The following PPP1R7 variants were observed in gnomAD, a reference collection of about 807,000 sequenced individuals.
PPP1R7 encodes the protein protein phosphatase 1 regulatory subunit 22.
Under a neutral mutation model 45.2 loss-of-function variants are expected in PPP1R7, and 18 were observed. The ratio of observed to expected loss-of-function variants is 0.40; its 90% CI spans 0.28 to 0.59. The LOEUF is 0.59. Among genes scored for constraint, PPP1R7 ranks in the 20% least tolerant of loss-of-function variants. The pLI is 0.46. For synonymous variants in PPP1R7, 181 were observed against 183.4 expected (o/e 0.99, Z 0.11); for missense variants, 314 against 455.8 (o/e 0.69, Z 2.83).
At chr2:241,179,182 G>A (rs963986243) in intron 9 of PPP1R7, among the ~76,000 whole-genome samples, 1 of 152,156 alleles carries the variant, frequency 6.6e-6, no homozygotes, top group Non-Finnish European at 1.5e-5. Context: ...CCGTTGGTTC[G>A]GGCAAGGGAT....
Position 241,183,108 on chromosome 2 carries a change from C to A in PPP1R7, c.*285C>A. On this transcript the variant is annotated 3_prime_UTR_variant, in exon 10 of 10. Coordinates refer to ENST00000234038, the MANE Select transcript of PPP1R7 (RefSeq NM_002712.3). ...TTCATTCGCTAGAAATCCCTGTTTC[C>A]TTCTCTCAGAAGGCAGTCACAGTCC... is the stretch of plus-strand genomic sequence containing the variant. The A allele has an allele frequency of 2.2e-6, 1 of 445,914 alleles. No individual in the cohort carries two copies. The highest frequency in any genetic ancestry group is 4.2e-6 in the Non-Finnish European group (1 of 239,432). The allele number at this position is 445,914 out of a possible 1,614,324, so 27.6% of individuals were successfully genotyped here.
chr2:241,159,140 C>G, intron 4 of PPP1R7, 73 bp from the exon 5 acceptor site: 1 of 1,532,304 alleles, frequency 6.5e-7, no homozygotes, highest in Middle Eastern at 1.8e-4. Flanking sequence ...TTCTTGTGTC[C>G]TCCAGTATCA....
intron 9 of PPP1R7, among the ~76,000 whole-genome samples, chr2:241,181,435 G>C (rs1456150419): frequency 1.3e-5 from 2 of 151,946 alleles, no homozygotes; most frequent in African/African-American, 4.8e-5. Context: ...GTTCCAGCGC[G>C]AGCCCCGTGA....
upstream of PPP1R7, chr2:241,149,983 G>C (rs548157544): frequency 2.1e-6 from 3 of 1,418,374 alleles, no homozygotes; most frequent in South Asian, 4.5e-5. Context: ...CGGGGACGCC[G>C]GGAGAATGTT....
chr2:241,175,617 CAG>C (rs1303708152), intron 9 of PPP1R7, among the ~76,000 whole-genome samples: 2 of 152,120 alleles, frequency 1.3e-5, no homozygotes, highest in East Asian at 3.9e-4. Flanking sequence ...TCTTTTGAGA[CAG>C]AGTCTTGTTC....
chr2:241,164,716 TAGTG>T (rs1349692338), intron 7 of PPP1R7, among the ~76,000 whole-genome samples: 5 of 151,930 alleles, frequency 3.3e-5, no homozygotes, highest in Non-Finnish European at 5.9e-5. Flanking sequence ...CTGGGCAACA[TAGTG>T]AGAGCCCATC....
At chr2:241,153,645 G>C in intron 2 of PPP1R7, 41 bp downstream of exon 2, 1 of 1,607,472 alleles carries the variant, frequency 6.2e-7, no homozygotes, top group Non-Finnish European at 8.5e-7. Flanking sequence ...GCTGGTTGGG[G>C]GATGTGGGCT....
In PPP1R7 at chr2:241,182,935, A is replaced by G; in HGVS notation, c.*112A>G. ...TCACTATATCAACAGTCACAAACCC[A>G]ATGGCAATAAAGGCACTGACGATAG... On this transcript the variant is annotated 3_prime_UTR_variant, in exon 10 of 10. Coordinates refer to ENST00000234038, the MANE Select transcript of PPP1R7 (RefSeq NM_002712.3). The G allele has an allele frequency of 7.9e-7, 1 of 1,264,562 alleles. No homozygotes were observed. The highest frequency in any genetic ancestry group is 1.5e-5 in the South Asian group (1 of 67,776). The allele number at this position is 1,264,562 out of a possible 1,614,324, so 78.3% of individuals were successfully genotyped here.
intron 8 of PPP1R7, 69 bp from the exon 9 acceptor site, chr2:241,169,712 G>A: frequency 7.5e-7 from 1 of 1,324,868 alleles, no homozygotes; most frequent in South Asian, 1.2e-5. Flanking sequence ...ACTTGACACT[G>A]CCTGCGTGGT....
chr2:241,165,899 T>C (rs1039172538), intron 7 of PPP1R7, among the ~76,000 whole-genome samples: 2 of 125,752 alleles, frequency 1.6e-5, no homozygotes, highest in African/African-American at 6.1e-5. Flanking sequence ...GCCCAGCCCT[T>C]TATATATATA....
chr2:241,162,031 A>C (rs1216956386), intron 6 of PPP1R7, among the ~76,000 whole-genome samples: 1 of 152,214 alleles, frequency 6.6e-6, no homozygotes, highest in Non-Finnish European at 1.5e-5. Context: ...GACAGGATAC[A>C]AACCAAGGGA....
At chr2:241,179,653 C>T (rs1454750087) in intron 9 of PPP1R7, among the ~76,000 whole-genome samples, 1 of 152,194 alleles carries the variant, frequency 6.6e-6, no homozygotes, top group Non-Finnish European at 1.5e-5. Context: ...CAGCCAGGCT[C>T]CCTGACAGCC....
chr2:241,150,181 T>C, upstream of PPP1R7: 2 of 1,271,144 alleles, frequency 1.6e-6, no homozygotes, highest in Non-Finnish European at 2.0e-6. Context: ...CTCTCCACTC[T>C]GCCTAGACGT....
intron 9 of PPP1R7, among the ~76,000 whole-genome samples, chr2:241,178,852 G>A (rs1199024532): frequency 3.4e-5 from 5 of 148,484 alleles, no homozygotes; most frequent in African/African-American, 5.0e-5. Flanking sequence ...CCTGTGTCAC[G>A]CATCTCCTTT....
intron 2 of PPP1R7, chr2:241,155,181 G>A (rs1396300948): frequency 2.6e-5 from 4 of 152,214 alleles, no homozygotes; most frequent in Non-Finnish European, 5.9e-5. Flanking sequence ...GTTTATGGAG[G>A]ACTTGAGAGT....
At chr2:241,178,866 A>G (rs2067954460) in intron 9 of PPP1R7, among the ~76,000 whole-genome samples, 1 of 149,120 alleles carries the variant, frequency 6.7e-6, no homozygotes, top group African/African-American at 2.5e-5. Flanking sequence ...CTCCTTTGTT[A>G]AACTGTCATG....
At position 241,153,665 on chromosome 2, in the gene PPP1R7, G is replaced by A. The variant is rs141684169; in HGVS notation, c.181+61G>A. 315 of 1,588,404 alleles carry A rather than the reference G, an allele frequency of 2.0e-4. 1 individual carries two copies. The African/African-American group carries it at 3.4e-3, about 17-fold the overall frequency. ...TTGGGGGATGTGGGCTGTGCTGCAC[G>A]TGGTCTGGCCCTGGGTGTGGGTGCT... is the stretch of plus-strand genomic sequence containing the variant. On this transcript the variant is annotated intron_variant, in intron 2 of 9. Transcript: ENST00000234038.
chr2:241,178,846 T>C (rs2067953919), intron 9 of PPP1R7, among the ~76,000 whole-genome samples: 1 of 148,468 alleles, frequency 6.7e-6, no homozygotes, highest in Non-Finnish European at 1.5e-5. Context: ...GCCGTGCCTG[T>C]GTCACGCATC....
chr2:241,167,216 A>G (rs2067734475), intron 8 of PPP1R7: 1 of 734,058 alleles, frequency 1.4e-6, no homozygotes, highest in Non-Finnish European at 2.1e-6. Flanking sequence ...GCCAGCAAAT[A>G]CAACCAGATT....
Sources: allele counts gnomAD v4.1 joint callset (sites outside exome capture counted in the v4.1 genomes callset), GRCh38; gene constraint gnomAD v4.1.1; transcripts MANE v1.5; gene names NCBI Gene and HGNC (gene_info 2026-07-23, HGNC 2026-07-21).